The following DNAJC8 variants were observed in gnomAD, a reference collection of about 807,000 sequenced individuals.
DNAJC8 encodes DnaJ heat shock protein family (Hsp40) member C8.
Under a neutral mutation model 43.2 loss-of-function variants are expected in DNAJC8, and 24 were observed. That is an observed-to-expected ratio of 0.56 (90% CI 0.40 to 0.78). DNAJC8 has a LOEUF of 0.78. Ranked by LOEUF, DNAJC8 falls within the 30% of genes least tolerant of loss-of-function variation. The pLI is 0.00. For missense variants in DNAJC8, 207 were observed against 299.4 expected (o/e 0.69, Z 2.28); for synonymous variants, 83 against 98.0 (o/e 0.85, Z 0.90).
intron 2 of DNAJC8, among the ~76,000 whole-genome samples, chr1:28,215,742 G>A (rs936794382): frequency 1.3e-5 from 2 of 152,034 alleles, no homozygotes; most frequent in African/African-American, 2.4e-5. Context: ...TCTCCATGTT[G>A]GTCAGGCTGG....
At chr1:28,205,137 C>CT (rs1646760128) in intron 7 of DNAJC8, 121 bp downstream of exon 7, 2 of 722,352 alleles carry the variant, frequency 2.8e-6, no homozygotes, top group South Asian at 4.3e-5. Context: ...TTTTAGGTAA[C>CT]TATTTTTATA....
chr1:28,224,777 G>C (rs1572069664), intron 2 of DNAJC8, among the ~76,000 whole-genome samples: 1 of 152,044 alleles, frequency 6.6e-6, no homozygotes, highest in African/African-American at 2.4e-5. Flanking sequence ...CCAGCAACCA[G>C]GGAGGCTGAG....
chr1:28,218,881 T>C (rs1013028393), intron 2 of DNAJC8, among the ~76,000 whole-genome samples: 2 of 152,162 alleles, frequency 1.3e-5, no homozygotes, highest in Non-Finnish European at 2.9e-5. Context: ...ACATAAGATT[T>C]ACAGACGAGG....
intron 1 of DNAJC8, among the ~76,000 whole-genome samples, chr1:28,229,571 G>A (rs1400801317): frequency 6.6e-6 from 1 of 151,934 alleles, no homozygotes; most frequent in Non-Finnish European, 1.5e-5. Flanking sequence ...GTCAGGAGAT[G>A]GAGTCCATCC....
chr1:28,217,925 T>TA (rs201884139), intron 2 of DNAJC8, among the ~76,000 whole-genome samples: 192 of 151,040 alleles, frequency 1.3e-3, no homozygotes, highest in African/African-American at 4.1e-3. Context: ...GTTCTTTAGT[T>TA]AAAAAAAAAC....
chr1:28,203,927 T>A, intron 7 of DNAJC8, 105 bp from the exon 8 acceptor site: 2 of 1,081,954 alleles, frequency 1.8e-6, no homozygotes, highest in Non-Finnish European at 2.8e-6. Flanking sequence ...GTAAATCAAT[T>A]CCCTAGAAGT....
intron 2 of DNAJC8, among the ~76,000 whole-genome samples, chr1:28,227,508 T>C (rs532583522): frequency 7.0e-6 from 1 of 142,690 alleles, no homozygotes; most frequent in African/African-American, 2.6e-5. Context: ...GGGCAAATCG[T>C]TTGAACCCAG....
intron 4 of DNAJC8, chr1:28,210,271 G>C (rs1646801843): frequency 3.4e-6 from 2 of 586,640 alleles, no homozygotes; most frequent in Non-Finnish European, 6.0e-6. Context: ...TATACTCAAG[G>C]CTAAATACAC....
At chr1:28,202,425 G>A (rs1318685892) in intron 8 of DNAJC8, among the ~76,000 whole-genome samples, 2 of 151,526 alleles carry the variant, frequency 1.3e-5, no homozygotes, top group Non-Finnish European at 1.5e-5. Context: ...GACTAAAGGG[G>A]CCCGCCACCA....
chr1:28,223,027 T>A (rs978047610), intron 2 of DNAJC8, among the ~76,000 whole-genome samples: 1 of 151,872 alleles, frequency 6.6e-6, no homozygotes, highest in Admixed American at 6.6e-5. Context: ...CAGGGGAAGG[T>A]AGCCTGGCAC....
intron 6 of DNAJC8, among the ~76,000 whole-genome samples, chr1:28,205,751 G>A (rs1386702162): frequency 6.6e-6 from 1 of 152,168 alleles, no homozygotes; most frequent in South Asian, 2.1e-4. Flanking sequence ...AGCCAAGCAT[G>A]TTGGTGCGTG....
chr1:28,201,824 G>C (rs1313783494), intron 8 of DNAJC8, among the ~76,000 whole-genome samples: 1 of 149,732 alleles, frequency 6.7e-6, no homozygotes, highest in Non-Finnish European at 1.5e-5. Context: ...AAAGAAAAAA[G>C]AGTAGAATAG....
At chr1:28,207,323 A>C (rs1646776221) in intron 6 of DNAJC8, among the ~76,000 whole-genome samples, 1 of 152,132 alleles carries the variant, frequency 6.6e-6, no homozygotes, top group South Asian at 2.1e-4. Flanking sequence ...GGTTGCAGTG[A>C]GCTGAGATCG....
At chr1:28,204,852 G>A (rs765239730) in intron 7 of DNAJC8, among the ~76,000 whole-genome samples, 15 of 152,136 alleles carry the variant, frequency 9.9e-5, no homozygotes, top group Non-Finnish European at 2.2e-4. Context: ...GTGAAACCCT[G>A]TCTCTACTAA....
At chr1:28,215,073 T>A in intron 2 of DNAJC8, 77 bp from the exon 3 acceptor site, 1 of 1,242,448 alleles carries the variant, frequency 8.0e-7, no homozygotes, top group South Asian at 1.4e-5. Flanking sequence ...TCAGTAATTA[T>A]ATATATTATA....
intron 2 of DNAJC8, among the ~76,000 whole-genome samples, chr1:28,228,192 T>C (rs1646950388): frequency 1.3e-5 from 2 of 151,674 alleles, no homozygotes; most frequent in East Asian, 1.9e-4. Context: ...CTACTAAGAA[T>C]ACAAATATTA....
rs1452445878 is a variant in DNAJC8, at chr1:28,200,388, T to C, written c.*860A>G. On this transcript the variant is annotated 3_prime_UTR_variant, in exon 9 of 9. Coordinates refer to ENST00000263697, the MANE Select transcript of DNAJC8 (RefSeq NM_014280.3). ...AGCACTATGGTAGTTACCTTGTATA[T>C]GCCATGGCAAATCTGCCCTAAAAGC... The C allele has an allele frequency of 2.3e-6, 1 of 439,696 alleles. No individual in the cohort carries two copies. Among genetic ancestry groups the C allele is most frequent in the South Asian group, 1.6e-5 (1 of 61,990 alleles). The allele number at this position is 439,696 out of a possible 1,614,324, so 27.2% of individuals were successfully genotyped here.
intron 1 of DNAJC8, among the ~76,000 whole-genome samples, chr1:28,232,555 C>T (rs1395615974): frequency 1.3e-5 from 2 of 152,182 alleles, no homozygotes; most frequent in African/African-American, 4.8e-5. Flanking sequence ...TAAAACAACT[C>T]ATTACAAAGG....
intron 3 of DNAJC8, among the ~76,000 whole-genome samples, chr1:28,211,785 G>T (rs1646811962): frequency 6.6e-6 from 1 of 152,092 alleles, no homozygotes; most frequent in Admixed American, 6.6e-5. Flanking sequence ...AAGGGTACAA[G>T]CTGAAGTATT....
Sources: allele counts gnomAD v4.1 joint callset (sites outside exome capture counted in the v4.1 genomes callset), GRCh38; gene constraint gnomAD v4.1.1; transcripts MANE v1.5; gene names NCBI Gene and HGNC (gene_info 2026-07-23, HGNC 2026-07-21).